The following CERS5 variants were observed in gnomAD, a reference collection of about 807,000 sequenced individuals.
CERS5 encodes the protein LAG1 homolog, ceramide synthase 5.
A neutral mutation model predicts 58.9 loss-of-function variants in CERS5; 37 were observed. The ratio of observed to expected loss-of-function variants is 0.63; its 90% CI spans 0.48 to 0.83. The LOEUF is 0.83. Among genes scored for constraint, CERS5 ranks in the 40% least tolerant of loss-of-function variants. CERS5 has a pLI of 0.00. For missense variants in CERS5, 398 were observed against 489.3 expected (o/e 0.81, Z 1.76); for synonymous variants, 147 against 177.8 (o/e 0.83, Z 1.38).
intron 9 of CERS5, chr12:50,134,037 A>T: frequency 7.1e-6 from 1 of 141,320 alleles, no homozygotes; most frequent in Non-Finnish European, 1.4e-5. Context: ...GTGACATTGC[A>T]CTCCAGCCTG....
intron 9 of CERS5, among the ~76,000 whole-genome samples, chr12:50,132,062 G>A (rs535800811): frequency 2.6e-5 from 4 of 151,564 alleles, no homozygotes; most frequent in South Asian, 2.1e-4. Context: ...CCATGATTGC[G>A]CCACTGTACT....
intron 6 of CERS5, among the ~76,000 whole-genome samples, chr12:50,136,871 T>G (rs1951722991): frequency 6.6e-6 from 1 of 152,218 alleles, no homozygotes; most frequent in South Asian, 2.1e-4. Context: ...CTCAGTTTAT[T>G]ATTTTTAAAA....
chr12:50,154,162 G>A (rs895938489), intron 1 of CERS5: 3 of 284,676 alleles, frequency 1.1e-5, no homozygotes, highest in Middle Eastern at 8.3e-4. Flanking sequence ...AGACCATCCT[G>A]GCCAACATGG....
At chr12:50,146,016 C>T (rs1392088308) in intron 1 of CERS5, among the ~76,000 whole-genome samples, 1 of 152,228 alleles carries the variant, frequency 6.6e-6, no homozygotes, top group Non-Finnish European at 1.5e-5. Flanking sequence ...CTCCTCCTTT[C>T]TCCTATCGAC....
intron 1 of CERS5, chr12:50,154,136 C>T (rs1938308912): frequency 1.6e-5 from 4 of 256,360 alleles, no homozygotes; most frequent in South Asian, 3.2e-5. Flanking sequence ...AGGCAGATCA[C>T]GAGGTCAAGA....
At chr12:50,151,837 G>A (rs1372788406) in intron 1 of CERS5, among the ~76,000 whole-genome samples, 1 of 152,156 alleles carries the variant, frequency 6.6e-6, no homozygotes, top group East Asian at 1.9e-4. Context: ...GTAGACACGG[G>A]TTTCACCATG....
intron 1 of CERS5, chr12:50,148,581 AG>A: frequency 2.9e-6 from 1 of 344,754 alleles, no homozygotes; most frequent in Non-Finnish European, 6.1e-6. Context: ...TGGGCGACAA[AG>A]CAGACTCTGT....
rs1256779749 is a variant in CERS5, at chr12:50,167,127, G to A, written c.171C>T (p.Ile57=). The change falls in exon 1 of 10, where the codon ATC becomes ATT. Residue 57 remains isoleucine (I), a synonymous_variant. Coordinates refer to ENST00000317551, the MANE Select transcript of CERS5 (RefSeq NM_147190.5). ...ILSVFPLAAG[I]FFVRLLFERF... ...GCTCGAAGAGCAGCCTCACGAAGAA[G>A]ATGCCCGCCGCCAGCGGGAACACCG... The A allele has an allele frequency of 1.3e-6, 2 of 1,565,030 alleles. No individual in the cohort carries two copies. The highest frequency in any genetic ancestry group is 8.6e-7 in the Non-Finnish European group (1 of 1,160,286).
intron 1 of CERS5, chr12:50,154,324 GGAA>G (rs1305018996): frequency 4.7e-6 from 1 of 212,750 alleles, no homozygotes; most frequent in Non-Finnish European, 1.0e-5. Context: ...CTCCAGCCTG[GGAA>G]CAGAGCAAGA....
In CERS5 at chr12:50,143,205, C is replaced by T; in HGVS notation, c.304-1G>A. 1 of 1,614,054 alleles carries T rather than the reference C, an allele frequency of 6.2e-7. No homozygotes were observed. The highest frequency in any genetic ancestry group is 8.5e-7 in the Non-Finnish European group (1 of 1,179,990). ...CCTCCAGCCTTTTCTTATCAGGATA[C>T]TGTGAATGTATAACCAGAGTCAGAA... On this transcript the variant is annotated splice_acceptor_variant, in intron 2 of 9. Transcript: ENST00000317551. LOFTEE classifies it high-confidence loss of function.
chr12:50,148,904 CAAAAAAAAAAAAA>C (rs71083511), intron 1 of CERS5, among the ~76,000 whole-genome samples: 5 of 72,092 alleles, frequency 6.9e-5, no homozygotes, highest in African/African-American at 3.0e-4. Context: ...GACTCCATCT[CAAAAAAAAAAAAA>C]AAAAAAAAAA....
intron 8 of CERS5, among the ~76,000 whole-genome samples, chr12:50,135,147 G>GGA (rs1565768469): frequency 1.8e-5 from 1 of 54,776 alleles, no homozygotes; most frequent in Non-Finnish European, 3.7e-5. Flanking sequence ...GAGAGAGAGA[G>GGA]GAGGGAGGGA....
At chr12:50,135,308 AGTGTGT>A (rs56858635) in intron 8 of CERS5, 3,956 of 168,656 alleles carry the variant, frequency 0.023, 45 homozygotes, top group South Asian at 0.045. Flanking sequence ...GAGAGAGAGG[AGTGTGT>A]GTGTGTGTGT....
At chr12:50,134,393 C>CACTT (rs1951511012) in intron 9 of CERS5, 153 bp downstream of exon 9, 2 of 1,581,376 alleles carry the variant, frequency 1.3e-6, no homozygotes, top group Non-Finnish European at 1.7e-6. Flanking sequence ...AAAGGCAAAA[C>CACTT]ACTTACCGAA....
At chr12:50,165,309 C>T (rs892095962) in intron 1 of CERS5, 6 of 151,966 alleles carry the variant, frequency 3.9e-5, no homozygotes, top group Admixed American at 2.0e-4. Flanking sequence ...GTTTCAGCTA[C>T]TCGGGAGACT....
chr12:50,167,072 C>A (rs1939990042), intron 1 of CERS5, 29 bp downstream of exon 1: 1 of 1,490,156 alleles, frequency 6.7e-7, no homozygotes, highest in Admixed American at 2.3e-5. Flanking sequence ...CGCGCCCGGC[C>A]CCCGAGCCGC....
chr12:50,130,470 T>G lies in CERS5; in HGVS notation c.*75A>C. ...TCTCCCAATCACAGAAGAGTAGATA[T>G]GGGAAGGGCCAAGAGGAGTATGTTG... On this transcript the variant is annotated 3_prime_UTR_variant, in exon 10 of 10. Transcript: ENST00000317551. 2 of 1,334,382 alleles carry G rather than the reference T, an allele frequency of 1.5e-6. No individual in the cohort carries two copies. Among genetic ancestry groups the G allele is most frequent in the Non-Finnish European group, 2.0e-6 (2 of 989,128 alleles). The allele number at this position is 1,334,382 out of a possible 1,614,324, so 82.7% of individuals were successfully genotyped here.
intron 6 of CERS5, 132 bp downstream of exon 6, chr12:50,137,596 G>A (rs986975719): frequency 8.3e-5 from 48 of 580,994 alleles, no homozygotes; most frequent in Admixed American, 2.0e-4. Context: ...ATTACGACAA[G>A]CTAAGAGTCC....
intron 4 of CERS5, among the ~76,000 whole-genome samples, chr12:50,139,705 A>G (rs1951863856): frequency 6.6e-6 from 1 of 152,102 alleles, no homozygotes; most frequent in South Asian, 2.1e-4. Flanking sequence ...AGGCAGGACA[A>G]TCACTTGAAC....
Sources: allele counts gnomAD v4.1 joint callset (sites outside exome capture counted in the v4.1 genomes callset), GRCh38; gene constraint gnomAD v4.1.1; transcripts MANE v1.5; gene names NCBI Gene and HGNC (gene_info 2026-07-23, HGNC 2026-07-21).